ITGB5: variants seen among roughly 807,000 people sequenced by gnomAD.
The protein encoded by ITGB5 is integrin beta-5.
Under a neutral mutation model 84.8 loss-of-function variants are expected in ITGB5, and 38 were observed. The observed-to-expected ratio is 0.45, with a 90% confidence interval of 0.35 to 0.59. The LOEUF is 0.59. ITGB5 is among the 20% of genes least tolerant of loss of function. The pLI is 0.01. For missense variants in ITGB5, 905 were observed against 1,034.5 expected (o/e 0.87, Z 1.72); for synonymous variants, 393 against 414.4 (o/e 0.95, Z 0.63).
chr3:124,786,002 T>G (rs896730339), intron 10 of ITGB5, among the ~76,000 whole-genome samples: 7 of 152,194 alleles, frequency 4.6e-5, no homozygotes, highest in African/African-American at 1.4e-4. Flanking sequence ...CCTGTCTGAC[T>G]CTATAATCAA....
At chr3:124,870,308 G>A (rs72974541) in intron 2 of ITGB5, among the ~76,000 whole-genome samples, 3,567 of 152,302 alleles carry the variant, frequency 0.023, 129 homozygotes, top group African/African-American at 0.081. Flanking sequence ...AGAGTACACG[G>A]AGACAAAGAG....
Position 124,864,261 on chromosome 3 carries a change from C to T in ITGB5, c.157-4815G>A, listed in dbSNP as rs532403856. On this transcript the variant is annotated intron_variant, in intron 2 of 14. Coordinates refer to ENST00000296181, the MANE Select transcript of ITGB5 (RefSeq NM_002213.5). ...AGCTGGGACTACAGGTGCCCGCCAC[C>T]ACGCCCAGTTAATTTTTTGTATTTT... 5.3e-5 allele frequency among the ~76,000 whole-genome samples: 8 copies of T among 151,608 alleles called. No individual in the cohort carries two copies. In the South Asian group the frequency reaches 1.0e-3, roughly 20 times the overall value.
At chr3:124,794,860 A>G (rs1429219803) in intron 10 of ITGB5, among the ~76,000 whole-genome samples, 1 of 151,972 alleles carries the variant, frequency 6.6e-6, no homozygotes, top group African/African-American at 2.4e-5. Context: ...GAAGGAGAAG[A>G]AGAAGAAGAA....
chr3:124,763,963 C>T (rs2063730359), intron 14 of ITGB5, among the ~76,000 whole-genome samples: 1 of 152,214 alleles, frequency 6.6e-6, no homozygotes, highest in African/African-American at 2.4e-5. Context: ...TCTGAAGTCC[C>T]TTCCAGCTTT....
At chr3:124,797,869 G>C (rs1256262436) in intron 9 of ITGB5, among the ~76,000 whole-genome samples, 1 of 152,018 alleles carries the variant, frequency 6.6e-6, no homozygotes, top group Non-Finnish European at 1.5e-5. Context: ...TTACTCAGGG[G>C]TGGGTTCTCC....
chr3:124,872,847 CA>C lies in ITGB5; in HGVS notation c.156+598del, dbSNP rs558150278. On this transcript the variant is annotated intron_variant, in intron 2 of 14. Coordinates refer to ENST00000296181, the MANE Select transcript of ITGB5 (RefSeq NM_002213.5). ...GACTCAAACTCCTGAGCTCAAGCCTCAAGCAATCCTCCTGCCTTGGCCTCCC... is the reference window on the plus strand; with the variant it reads ...GACTCAAACTCCTGAGCTCAAGCCTCAGCAATCCTCCTGCCTTGGCCTCCC... Among the ~76,000 whole-genome samples, 10 of 152,262 alleles carry C rather than the reference CA, an allele frequency of 6.6e-5. No individual in the cohort carries two copies. In the East Asian group the frequency reaches 1.9e-3, roughly 29 times the overall value.
At chr3:124,816,933 C>A (rs2064606983) in intron 8 of ITGB5, among the ~76,000 whole-genome samples, 1 of 152,152 alleles carries the variant, frequency 6.6e-6, no homozygotes, top group Non-Finnish European at 1.5e-5. Flanking sequence ...AACATTGATT[C>A]TTTGGCCAGG....
intron 1 of ITGB5, among the ~76,000 whole-genome samples, chr3:124,880,067 G>A (rs1315317340): frequency 2.0e-5 from 3 of 152,168 alleles, no homozygotes; most frequent in South Asian, 2.1e-4. Context: ...GTCTAATCAC[G>A]GGAAAAAATC....
chr3:124,868,333 G>GA (rs2065423015), intron 2 of ITGB5, among the ~76,000 whole-genome samples: 1 of 152,158 alleles, frequency 6.6e-6, no homozygotes, highest in African/African-American at 2.4e-5. Context: ...GAACAAGGTA[G>GA]AGAGTGTGCT....
intron 4 of ITGB5, among the ~76,000 whole-genome samples, chr3:124,842,801 C>A (rs1296584399): frequency 6.6e-6 from 1 of 152,234 alleles, no homozygotes; most frequent in East Asian, 1.9e-4. Flanking sequence ...AAAGCAGACT[C>A]ACCAGGGCAG....
At chr3:124,827,430 C>T (rs1158084764) in intron 5 of ITGB5, among the ~76,000 whole-genome samples, 1 of 152,170 alleles carries the variant, frequency 6.6e-6, no homozygotes, top group Non-Finnish European at 1.5e-5. Context: ...TCTCCTTTTA[C>T]TAATTGATAT....
At chr3:124,840,421 G>A (rs1417364339) in intron 5 of ITGB5, among the ~76,000 whole-genome samples, 2 of 149,382 alleles carry the variant, frequency 1.3e-5, no homozygotes, top group Non-Finnish European at 3.0e-5. Context: ...TTATGATAGT[G>A]AATTTAAGAG....
chr3:124,882,209 A>G (rs1486583689), intron 1 of ITGB5, among the ~76,000 whole-genome samples: 1 of 152,214 alleles, frequency 6.6e-6, no homozygotes, highest in Admixed American at 6.5e-5. Flanking sequence ...AATAAAACCA[A>G]CAAGACTCCC....
chr3:124,781,481 G>A (rs887925784), intron 10 of ITGB5, among the ~76,000 whole-genome samples: 7 of 152,154 alleles, frequency 4.6e-5, no homozygotes, highest in African/African-American at 1.7e-4. Flanking sequence ...ATGTGCTGGT[G>A]TTGATTGTAG....
At position 124,764,560 on chromosome 3, in the gene ITGB5, G is replaced by A; in HGVS notation, c.2138-3C>T. ...GGCGTTGGGGGTGTTTCCACACTCT[G>A]GGGGGACCAGAAGCATGGTAAGCAA... is the stretch of plus-strand genomic sequence containing the variant. On this transcript the variant is annotated splice_polypyrimidine_tract_variant and splice_region_variant and intron_variant, in intron 13 of 14. Coordinates refer to ENST00000296181, the MANE Select transcript of ITGB5 (RefSeq NM_002213.5). 1 of 1,601,882 alleles carries A rather than the reference G, an allele frequency of 6.2e-7. No individual in the cohort carries two copies. The highest frequency in any genetic ancestry group is 8.5e-7 in the Non-Finnish European group (1 of 1,170,224).
At chr3:124,836,171 T>C (rs2064932748) in intron 5 of ITGB5, among the ~76,000 whole-genome samples, 1 of 151,226 alleles carries the variant, frequency 6.6e-6, no homozygotes, top group Non-Finnish European at 1.5e-5. Context: ...AAGGAAAACA[T>C]GACTCTAAAT....
chr3:124,890,742 C>G (rs1934984003), upstream of ITGB5, among the ~76,000 whole-genome samples: 1 of 152,162 alleles, frequency 6.6e-6, no homozygotes, highest in Non-Finnish European at 1.5e-5. Flanking sequence ...GAGCCCCTAA[C>G]TTGCCCAGAC....
intron 5 of ITGB5, among the ~76,000 whole-genome samples, chr3:124,822,341 A>T (rs1211494914): frequency 1.3e-5 from 2 of 152,264 alleles, no homozygotes; most frequent in African/African-American, 4.8e-5. Flanking sequence ...CGGTAGCAGC[A>T]TGAATAAATG....
intron 4 of ITGB5, among the ~76,000 whole-genome samples, chr3:124,844,783 C>T (rs1348787110): frequency 6.6e-6 from 1 of 152,192 alleles, no homozygotes; most frequent in Non-Finnish European, 1.5e-5. Context: ...ACTCCAGCTA[C>T]TGGTCTAGGA....
Sources: gnomAD v4.1 joint callset for allele counts (sites outside exome capture counted in the v4.1 genomes callset) on GRCh38, gnomAD v4.1.1 for gene constraint, MANE v1.5 for transcripts, NCBI Gene and HGNC (gene_info 2026-07-23, HGNC 2026-07-21) for gene names.